Variants in MT1H observed in about 807,000 individuals in gnomAD.
The protein encoded by MT1H is metallothionein-1H.
A neutral mutation model predicts 8.7 loss-of-function variants in MT1H; 8 were observed. The observed-to-expected ratio is 0.92, with a 90% CI of 0.54 to 1.66. The LOEUF (loss-of-function observed/expected upper bound fraction) is 1.66. Ranked by LOEUF, MT1H falls within the 40% of genes most tolerant of loss-of-function variation. The probability of loss-of-function intolerance (pLI) is 0.00; values close to 1 mark genes in which losing one functional copy is unlikely to be tolerated. For missense variants in MT1H, 84 were observed against 75.2 expected (o/e 1.12, Z -0.43); for synonymous variants, 32 against 28.9 (o/e 1.11, Z -0.34).
At chr16:56,670,821 C>T in intron 2 of MT1H, 77 bp from the exon 3 acceptor site, 3 of 1,593,222 alleles carry the variant, frequency 1.9e-6, no homozygotes, top group Admixed American at 1.7e-5. Context: ...GGAGTCTGAG[C>T]TTGAGCCAGG....
At position 56,669,893 on chromosome 16, in the gene MT1H, C is replaced by T; in HGVS notation, c.9C>T (p.Pro3=). The change falls in exon 1 of 3, where the codon CCC becomes CCT. Residue 3 remains proline (P), a synonymous_variant. Coordinates refer to ENST00000332374, the MANE Select transcript of MT1H (RefSeq NM_005951.2). MD[P]NCSCEAGGSC... ...TCTCACCTCGGCTTGCAATGGACCCCAACTGCTCCTGCGAGGCTGGTAAGG... is the reference window on the plus strand; with the variant it reads ...TCTCACCTCGGCTTGCAATGGACCCTAACTGCTCCTGCGAGGCTGGTAAGG... 6.2e-7 allele frequency: 1 copy of T among 1,614,184 alleles called. No homozygotes were observed. The highest frequency in any genetic ancestry group is 8.5e-7 in the Non-Finnish European group (1 of 1,180,020).
At chr16:56,670,633 G>C in intron 2 of MT1H, 62 bp downstream of exon 2, 1 of 1,613,934 alleles carries the variant, frequency 6.2e-7, no homozygotes, top group Middle Eastern at 1.7e-4. Context: ...GGAACCCAAG[G>C]CTGGCCCTGA....
rs530204644 is a variant in MT1H, at chr16:56,670,962, G to T, written c.159G>T (p.Ala53=). ...KCAQGCICKG[A]SEKCSCCA ...CCCAGGGCTGCATCTGCAAAGGGGC[G>T]TCAGAGAAGTGCAGCTGCTGTGCCT... is the stretch of plus-strand genomic sequence containing the variant. The change falls in exon 3 of 3, where the codon GCG becomes GCT. Residue 53 remains alanine, a synonymous_variant. Coordinates refer to ENST00000332374, the MANE Select transcript of MT1H (RefSeq NM_005951.2). The T allele has an allele frequency of 1.9e-6, 3 of 1,614,038 alleles. No individual in the cohort carries two copies. Among genetic ancestry groups the T allele is most frequent in the Non-Finnish European group, 2.5e-6 (3 of 1,179,986 alleles).
chr16:56,670,843 G>A, intron 2 of MT1H, 55 bp from the exon 3 acceptor site: 1 of 1,608,526 alleles, frequency 6.2e-7, no homozygotes, highest in East Asian at 2.2e-5. Flanking sequence ...CTGCTGTTGG[G>A]AGAGGGAGCT....
chr16:56,670,776 G>T lies in MT1H; in HGVS notation c.95-122G>T, dbSNP rs9934420. The T allele has an allele frequency of 5.1e-3, 7,883 of 1,532,676 alleles. 367 individuals are homozygous for T. The African/African-American group carries it at 0.097, about 19-fold the overall frequency. 94.9% of individuals were successfully genotyped at this position (1,532,676 alleles called of 1,614,324 possible). On this transcript the variant is annotated intron_variant, in intron 2 of 2. Coordinates refer to ENST00000332374, the MANE Select transcript of MT1H (RefSeq NM_005951.2). ...TATCCACCAGTCGTCTCCTGAAAAA[G>T]CTGTGCCATCCTGAACTAAGGATCC...
intron 2 of MT1H, 120 bp downstream of exon 2, chr16:56,670,691 TCTG>T (rs1960859918): frequency 1.9e-6 from 3 of 1,578,974 alleles, no homozygotes; most frequent in Non-Finnish European, 2.6e-6. Context: ...TTTCCAGTCT[TCTG>T]CTCTGTCCAG....
At chr16:56,670,365 G>A in intron 1 of MT1H, 141 bp from the exon 2 acceptor site, 1 of 1,254,938 alleles carries the variant, frequency 8.0e-7, no homozygotes, top group Non-Finnish European at 1.1e-6. Flanking sequence ...GAGGAGATGG[G>A]TCTTCTCTTC....
chr16:56,670,896 A>T lies in MT1H; in HGVS notation c.95-2A>T. 6.2e-7 allele frequency: 1 copy of T among 1,612,700 alleles called. No individual in the cohort carries two copies. Among genetic ancestry groups the T allele is most frequent in the Non-Finnish European group, 8.5e-7 (1 of 1,179,838 alleles). On this transcript the variant is annotated splice_acceptor_variant, in intron 2 of 2. Coordinates refer to ENST00000332374, the MANE Select transcript of MT1H (RefSeq NM_005951.2). LOFTEE classifies it high-confidence loss of function. ...GTGACTTCTCTCTCCCTTTTTCCCC[A>T]GGCTGCTGCTCCTGTTGCCCCCTGG...
Position 56,669,822 on chromosome 16 carries a change from C to A in MT1H, c.-63C>A. On this transcript the variant is annotated 5_prime_UTR_variant, in exon 1 of 3. Transcript: ENST00000332374. ...GCCAACTGTTGCGCTCCACCACGCCCTCCACGTGTTCCACTGCCTCTTCTC... is the reference window on the plus strand; with the variant it reads ...GCCAACTGTTGCGCTCCACCACGCCATCCACGTGTTCCACTGCCTCTTCTC... 1 of 1,613,566 alleles carries A rather than the reference C, an allele frequency of 6.2e-7. No homozygotes were observed. The highest frequency in any genetic ancestry group is 1.3e-5 in the African/African-American group (1 of 75,024).
At position 56,671,007 on chromosome 16, in the gene MT1H, T is replaced by C. The variant is rs776874820; in HGVS notation, c.*18T>C. ...GTGCCTGATGTCGGGACAGCCCTGCTGTCAGATGAAAACAGAATGACACGT... is the reference window on the plus strand; with the variant it reads ...GTGCCTGATGTCGGGACAGCCCTGCCGTCAGATGAAAACAGAATGACACGT... On this transcript the variant is annotated 3_prime_UTR_variant, in exon 3 of 3. Transcript: ENST00000332374. 2 of 1,609,616 alleles carry C rather than the reference T, an allele frequency of 1.2e-6. No individual in the cohort carries two copies. Among genetic ancestry groups the C allele is most frequent in the Admixed American group, 1.7e-5 (1 of 58,544 alleles).
intron 1 of MT1H, 96 bp downstream of exon 1, chr16:56,670,008 A>C: frequency 6.5e-7 from 1 of 1,541,094 alleles, no homozygotes; most frequent in Non-Finnish European, 8.9e-7. Flanking sequence ...TTGCGATCTG[A>C]GCTGAAGAGG....
chr16:56,669,905 C>T lies in MT1H; in HGVS notation c.21C>T (p.Cys7=), dbSNP rs1343304239. Residue 7 remains cysteine, a synonymous_variant, in exon 1 of 3, where the codon TGC becomes TGT. Coordinates refer to ENST00000332374, the MANE Select transcript of MT1H (RefSeq NM_005951.2). ...TTGCAATGGACCCCAACTGCTCCTG[C>T]GAGGCTGGTAAGGAACGCCCGGGTT... is the stretch of plus-strand genomic sequence containing the variant. MDPNCS[C]EAGGSCACAG... 1 of 1,614,040 alleles carries T rather than the reference C, an allele frequency of 6.2e-7. No homozygotes were observed. The highest frequency in any genetic ancestry group is 8.5e-7 in the Non-Finnish European group (1 of 1,179,966).
At chr16:56,670,769 T>C (rs780580059) in intron 2 of MT1H, 129 bp from the exon 3 acceptor site, 4 of 1,521,916 alleles carry the variant, frequency 2.6e-6, no homozygotes, top group Non-Finnish European at 3.6e-6. Flanking sequence ...AGTCGTCTCC[T>C]GAAAAAGCTG....
At chr16:56,670,859 G>C in intron 2 of MT1H, 39 bp from the exon 3 acceptor site, 4 of 1,612,378 alleles carry the variant, frequency 2.5e-6, no homozygotes, top group Non-Finnish European at 3.4e-6. Flanking sequence ...GAGCTCCCTG[G>C]TCAAGTCTGC....
chr16:56,670,818 G>A, intron 2 of MT1H, 80 bp from the exon 3 acceptor site: 8 of 1,590,946 alleles, frequency 5.0e-6, no homozygotes, highest in Non-Finnish European at 6.9e-6. Context: ...GCTGGAGTCT[G>A]AGCTTGAGCC....
chr16:56,670,633 G>T (rs751628020), intron 2 of MT1H, 62 bp downstream of exon 2: 45 of 1,613,816 alleles, frequency 2.8e-5, no homozygotes, highest in Non-Finnish European at 3.8e-5. Context: ...GGAACCCAAG[G>T]CTGGCCCTGA....
At chr16:56,670,410 C>T (rs1960855466) in intron 1 of MT1H, 96 bp from the exon 2 acceptor site, 1 of 1,570,454 alleles carries the variant, frequency 6.4e-7, no homozygotes, top group Non-Finnish European at 8.7e-7. Context: ...TGACGGCTGG[C>T]CCTGAACAGA....
intron 1 of MT1H, among the ~76,000 whole-genome samples, chr16:56,670,222 T>C (rs1305063888): frequency 6.6e-6 from 1 of 152,168 alleles, no homozygotes; most frequent in Non-Finnish European, 1.5e-5. Flanking sequence ...AGGCATTGGA[T>C]AGGTGGGGAC....
Position 56,670,933 on chromosome 16 carries a change from T to C in MT1H, c.130T>C (p.Cys44Arg), listed in dbSNP as rs1389484078. 1.1e-5 allele frequency: 18 copies of C among 1,614,116 alleles called. No individual in the cohort carries two copies. Among genetic ancestry groups the C allele is most frequent in the African/African-American group, 5.3e-5 (4 of 74,942 alleles). ...CSCCPLGCAKCAQGCICKGAS... is the reference protein window; with the variant it reads ...CSCCPLGCAKRAQGCICKGAS... ...CTGTTGCCCCCTGGGCTGTGCCAAG[T>C]GTGCCCAGGGCTGCATCTGCAAAGG... The change falls in exon 3 of 3, where the codon TGT becomes CGT. Residue 44 changes from cysteine to arginine, a missense_variant. Transcript: ENST00000332374.
Sources: allele counts gnomAD v4.1 joint callset (sites outside exome capture counted in the v4.1 genomes callset), GRCh38; gene constraint gnomAD v4.1.1; transcripts MANE v1.5; gene names NCBI Gene and HGNC (gene_info 2026-07-23, HGNC 2026-07-21).